Variants in ALX4 observed in about 807,000 individuals in gnomAD.
ALX4 encodes the protein ALX homeobox 4, also known as homeobox protein aristaless-like 4.
A neutral mutation model predicts 40.6 loss-of-function variants in ALX4; 22 were observed. The ratio of observed to expected loss-of-function variants is 0.54; its 90% CI spans 0.39 to 0.77. ALX4 has a LOEUF of 0.77. ALX4 is among the 30% of genes least tolerant of loss of function. ALX4 has a pLI of 0.00. For missense variants in ALX4, 556 were observed against 564.8 expected, an observed-to-expected ratio of 0.98 and a Z score of 0.16; for synonymous variants, 266 against 240.5, an observed-to-expected ratio of 1.11 and a Z score of -0.98.
chr11:44,293,160 GA>G (rs1283900348), intron 1 of ALX4, among the ~76,000 whole-genome samples: 12,324 of 43,318 alleles, frequency 0.28, 2,734 homozygotes, highest in Admixed American at 0.41. Flanking sequence ...AGGAAGGAAG[GA>G]AGGAAGGAAG....
rs147783781 is a variant in ALX4, at chr11:44,298,764, C to T, written c.466+10833G>A. 1.1e-4 allele frequency among the ~76,000 whole-genome samples: 16 copies of T among 148,122 alleles called. No individual in the cohort carries two copies. The East Asian group carries it at 2.6e-3, about 24-fold the overall frequency. On this transcript the variant is annotated intron_variant, in intron 1 of 3. Transcript: ENST00000652299. ...TGCTAAATAGAGCTACCCAGAGCCT[C>T]GCTGCTCCTACACCCCACAGGAAAC...
In ALX4 at chr11:44,288,069, C is replaced by T. The variant is rs765251143; in HGVS notation, c.467-12411G>A. On this transcript the variant is annotated intron_variant, in intron 1 of 3. Transcript: ENST00000652299. Reference sequence around the variant, plus strand: ...TTGACTAACTGCAACCTCTGCCTCCCGGGTTCAAGTGATTCCCTATGTTGG... The same window carrying T: ...TTGACTAACTGCAACCTCTGCCTCCTGGGTTCAAGTGATTCCCTATGTTGG... Among the ~76,000 whole-genome samples, 93 of 152,282 alleles carry T rather than the reference C, an allele frequency of 6.1e-4. 1 individual carries two copies. The highest frequency in any genetic ancestry group is 1.9e-4 in the East Asian group (1 of 5,184).
intron 1 of ALX4, among the ~76,000 whole-genome samples, chr11:44,277,696 T>G (rs1003965525): frequency 1.3e-5 from 2 of 152,218 alleles, no homozygotes; most frequent in African/African-American, 4.8e-5. Flanking sequence ...CTGGGGAAGC[T>G]GAGAGGGACA....
intron 2 of ALX4, among the ~76,000 whole-genome samples, chr11:44,268,467 G>A (rs1956226041): frequency 6.6e-6 from 1 of 152,074 alleles, no homozygotes; most frequent in Non-Finnish European, 1.5e-5. Flanking sequence ...GTGAGAGGAA[G>A]TGGAGGCCAA....
intron 1 of ALX4, among the ~76,000 whole-genome samples, chr11:44,281,583 C>T (rs373328228): frequency 6.6e-6 from 1 of 151,774 alleles, no homozygotes; most frequent in East Asian, 1.9e-4. Flanking sequence ...GTGCACACAC[C>T]GATGTAATCT....
chr11:44,309,726 G>T lies in ALX4; in HGVS notation c.337C>A (p.Gln113Lys). The T allele has an allele frequency of 1.3e-6, 2 of 1,562,136 alleles. No individual in the cohort carries two copies. The highest frequency in any genetic ancestry group is 1.7e-6 in the Non-Finnish European group (2 of 1,154,662). ...PQPQPQQQQP[Q>K]PQPPAQPHLY... ...TGCGGTTGCGCGGGCGGCTGGGGCT[G>T]CGGCTGCTGCTGCTGCGGCTGCGGC... Residue 113 changes from glutamine to lysine, a missense_variant, in exon 1 of 4, where the codon CAG becomes AAG. Physicochemically the swap from Gln to Lys is moderately conservative, Grantham distance 53 (BLOSUM62 1). Transcript: ENST00000652299.
intron 1 of ALX4, among the ~76,000 whole-genome samples, chr11:44,306,443 CG>C (rs950962428): frequency 1.7e-4 from 26 of 152,360 alleles, no homozygotes; most frequent in African/African-American, 6.3e-4. Context: ...TGGACTCTGC[CG>C]GGAGTGGGCC....
At chr11:44,293,108 G>T (rs1956379814) in intron 1 of ALX4, among the ~76,000 whole-genome samples, 1 of 6,696 alleles carries the variant, frequency 1.5e-4, no homozygotes, top group East Asian at 1.9e-3. Flanking sequence ...GAGAAGGAAG[G>T]AAGGAAGGAA....
At chr11:44,305,969 G>A (rs1956464987) in intron 1 of ALX4, among the ~76,000 whole-genome samples, 1 of 152,218 alleles carries the variant, frequency 6.6e-6, no homozygotes, top group South Asian at 2.1e-4. Context: ...TTGGGGGCGA[G>A]GCGCCGGAGT....
At chr11:44,268,017 A>G (rs986800898) in intron 2 of ALX4, among the ~76,000 whole-genome samples, 2 of 152,224 alleles carry the variant, frequency 1.3e-5, no homozygotes, top group South Asian at 4.1e-4. Context: ...CTCCTAGACA[A>G]TCACACACAG....
At position 44,267,565 on chromosome 11, in the gene ALX4, G is replaced by A; in HGVS notation, c.835C>T (p.Gln279Ter). Residue 279 changes from glutamine (Q) to a stop codon, truncating the protein, a stop_gained, in exon 3 of 4, where the codon CAG becomes TAG. Transcript: ENST00000652299. LOFTEE classifies it high-confidence loss of function. ...GTGGAGAAGTGGGTTCGAACCTGCT[G>A]CATCTGCCCAAAACGCTCCCGCTTC... is the stretch of plus-strand genomic sequence containing the variant. ...WRKRERFGQM[Q>*]QVRTHFSTAY... 1 of 1,614,144 alleles carries A rather than the reference G, an allele frequency of 6.2e-7. No individual in the cohort carries two copies. The highest frequency in any genetic ancestry group is 8.5e-7 in the Non-Finnish European group (1 of 1,180,026).
intron 1 of ALX4, among the ~76,000 whole-genome samples, chr11:44,296,135 T>C (rs527751366): frequency 1.3e-5 from 2 of 152,264 alleles, no homozygotes; most frequent in South Asian, 2.1e-4. Context: ...TGCAACAGAA[T>C]AGAGACCAGA....
intron 2 of ALX4, among the ~76,000 whole-genome samples, chr11:44,274,705 G>A (rs1956267740): frequency 6.6e-6 from 1 of 152,154 alleles, no homozygotes; most frequent in Non-Finnish European, 1.5e-5. Context: ...GAGTTCTATT[G>A]GGTTGTGTTC....
chr11:44,276,324 T>C (rs1956277725), intron 1 of ALX4, among the ~76,000 whole-genome samples: 1 of 152,162 alleles, frequency 6.6e-6, no homozygotes, highest in African/African-American at 2.4e-5. Flanking sequence ...GATTGAGGCA[T>C]GGGCCACATT....
chr11:44,268,117 C>A (rs77834844), intron 2 of ALX4, among the ~76,000 whole-genome samples: 3 of 152,156 alleles, frequency 2.0e-5, no homozygotes, highest in African/African-American at 7.2e-5. Flanking sequence ...CTGTCTGCAG[C>A]CTTCTTGTTG....
chr11:44,301,099 C>A (rs114862154), intron 1 of ALX4, among the ~76,000 whole-genome samples: 1 of 152,232 alleles, frequency 6.6e-6, no homozygotes, highest in Non-Finnish European at 1.5e-5. Flanking sequence ...CCCAGAATAC[C>A]CCACAAGGCT....
intron 1 of ALX4, among the ~76,000 whole-genome samples, chr11:44,303,356 C>A (rs75473881): frequency 6.6e-6 from 1 of 152,222 alleles, no homozygotes; most frequent in Non-Finnish European, 1.5e-5. Context: ...CTTGACCAAG[C>A]GGTCCCGAGT....
chr11:44,304,624 G>A (rs1377657200), intron 1 of ALX4, among the ~76,000 whole-genome samples: 1 of 152,142 alleles, frequency 6.6e-6, no homozygotes, highest in African/African-American at 2.4e-5. Flanking sequence ...CAAACGCGCC[G>A]GACGTCAACA....
intron 1 of ALX4, among the ~76,000 whole-genome samples, chr11:44,292,377 A>ATTTT (rs67510206): frequency 1.1e-5 from 1 of 93,114 alleles, no homozygotes; most frequent in African/African-American, 4.1e-5. Context: ...GGCTAATTAA[A>ATTTT]TTTTTTTTTT....
Sources: allele counts gnomAD v4.1 joint callset (sites outside exome capture counted in the v4.1 genomes callset), GRCh38; gene constraint gnomAD v4.1.1; transcripts MANE v1.5; gene names NCBI Gene and HGNC (gene_info 2026-07-23, HGNC 2026-07-21).